TBC1D1: variants seen among roughly 807,000 people sequenced by gnomAD.
TBC1D1 encodes TBC1 (tre-2/USP6, BUB2, cdc16) domain family, member 1.
A neutral mutation model predicts 125.6 loss-of-function variants in TBC1D1; 89 were observed. The observed-to-expected ratio is 0.71, with a 90% confidence interval of 0.60 to 0.85. The LOEUF is 0.85. TBC1D1 is among the 40% of genes least tolerant of loss of function. The pLI, the probability that TBC1D1 is intolerant of heterozygous loss-of-function variation, is 0.00. For synonymous variants in TBC1D1, 565 were observed against 564.1 expected (o/e 1.00, Z -0.02); for missense variants, 1,377 against 1,469.2 (o/e 0.94, Z 1.03).
Position 38,115,897 on chromosome 4 carries a change from T to A in TBC1D1, c.2745T>A (p.Phe915Leu), listed in dbSNP as rs1400274752. Residue 915 changes from phenylalanine to leucine, a missense_variant, in exon 16 of 20, where the codon TTT becomes TTA. Transcript: ENST00000261439. ...AAGAGGCGTTTAAAATGCTCAAGTT[T>A]CTGATGTTTGACATGGGGCTGCGGA... 3 of 1,614,216 alleles carry A rather than the reference T, an allele frequency of 1.9e-6. No individual in the cohort carries two copies. Among genetic ancestry groups the A allele is most frequent in the Non-Finnish European group, 1.7e-6 (2 of 1,180,032 alleles).
Position 38,124,948 on chromosome 4 carries a change from C to T in TBC1D1, c.2963-14C>T. The T allele has an allele frequency of 1.9e-6, 3 of 1,612,136 alleles. No individual in the cohort carries two copies. The highest frequency in any genetic ancestry group is 2.5e-6 in the Non-Finnish European group (3 of 1,178,948). On this transcript the variant is annotated splice_polypyrimidine_tract_variant and intron_variant, in intron 17 of 19. Coordinates refer to ENST00000261439, the MANE Select transcript of TBC1D1 (RefSeq NM_015173.4). ...TGGTCTGGTTTAACTTTCTGCATTT[C>T]TGTGTTTTCTCAGATATGATTTTTC...
intron 17 of TBC1D1, among the ~76,000 whole-genome samples, chr4:38,121,606 G>A (rs1028134592): frequency 1.3e-5 from 2 of 152,322 alleles, no homozygotes; most frequent in African/African-American, 4.8e-5. Flanking sequence ...CTGCCTCACT[G>A]CGCTGGGCGG....
rs147591506 is a variant in TBC1D1 at position 37,895,337 on chromosome 4, A to G, written c.-94+3989A>G. Among the ~76,000 whole-genome samples, 489 of 152,224 alleles carry G rather than the reference A, an allele frequency of 3.2e-3. 3 individuals are homozygous for G. Among genetic ancestry groups the G allele is most frequent in the African/African-American group, 0.011 (464 of 41,542 alleles). The stretch of plus-strand genomic sequence containing the variant: ...ATAATCTCTGAGGGCCAGCTAGGAC[A>G]CTCGCCCATTTCCCACCCTTTTTCC... On this transcript the variant is annotated intron_variant, in intron 1 of 19. Coordinates refer to ENST00000261439, the MANE Select transcript of TBC1D1 (RefSeq NM_015173.4).
intron 2 of TBC1D1, among the ~76,000 whole-genome samples, chr4:37,954,832 A>C (rs1728594274): frequency 6.6e-6 from 1 of 151,468 alleles, no homozygotes; most frequent in African/African-American, 2.4e-5. Flanking sequence ...ATGAAAAAAA[A>C]AAAATCTATG....
intron 2 of TBC1D1, among the ~76,000 whole-genome samples, chr4:37,991,513 C>G (rs1736560671): frequency 6.6e-6 from 1 of 152,182 alleles, no homozygotes; most frequent in Admixed American, 6.5e-5. Flanking sequence ...GGCACCACAG[C>G]CCTTTACAGT....
chr4:37,901,537 T>TAAGATA (rs1463780508), intron 1 of TBC1D1, among the ~76,000 whole-genome samples: 1 of 152,206 alleles, frequency 6.6e-6, no homozygotes, highest in African/African-American at 2.4e-5. Flanking sequence ...AAACAGTGTT[T>TAAGATA]AAGACAATGT....
chr4:38,132,406 C>T (rs1204484582), intron 18 of TBC1D1, among the ~76,000 whole-genome samples: 12 of 152,204 alleles, frequency 7.9e-5, no homozygotes, highest in Admixed American at 2.0e-4. Flanking sequence ...AGTACAGACA[C>T]GGACGGCTTG....
rs200211276 is a variant in TBC1D1, at chr4:38,133,215, C to T, written c.3264C>T (p.Ser1088=). ...TGGATAAATTAGAGAAAACCAACAGCAGCTTACGCAAACAGAACCTTGACC... is the reference window on the plus strand; with the variant it reads ...TGGATAAATTAGAGAAAACCAACAGTAGCTTACGCAAACAGAACCTTGACC... The change falls in exon 19 of 20, where the codon AGC becomes AGT. Residue 1088 remains serine (S), a synonymous_variant. Coordinates refer to ENST00000261439, the MANE Select transcript of TBC1D1 (RefSeq NM_015173.4). 3 of 1,614,202 alleles carry T rather than the reference C, an allele frequency of 1.9e-6. No homozygotes were observed. The East Asian group carries it at 6.7e-5, about 36-fold the overall frequency.
chr4:37,971,669 C>CA lies in TBC1D1; in HGVS notation c.418-42839dup, dbSNP rs371779585. 6.8e-3 allele frequency among the ~76,000 whole-genome samples: 1,038 copies of CA among 152,256 alleles called. 22 individuals carry two copies. The highest frequency in any genetic ancestry group is 0.024 in the African/African-American group (988 of 41,532). ...TATTTGGATAGCCTATTGCTTTCCACAGAGCAACTATATATATATATTTTA... is the reference window on the plus strand; with the variant it reads ...TATTTGGATAGCCTATTGCTTTCCACAAGAGCAACTATATATATATATTTTA... On this transcript the variant is annotated intron_variant, in intron 2 of 19. Coordinates refer to ENST00000261439, the MANE Select transcript of TBC1D1 (RefSeq NM_015173.4).
intron 12 of TBC1D1, among the ~76,000 whole-genome samples, chr4:38,057,055 G>A (rs905008204): frequency 2.0e-5 from 3 of 152,046 alleles, no homozygotes; most frequent in African/African-American, 7.2e-5. Flanking sequence ...TTCCTAGGCC[G>A]TAATCACCCC....
chr4:38,035,790 C>G, intron 8 of TBC1D1, 92 bp downstream of exon 8: 1 of 894,336 alleles, frequency 1.1e-6, no homozygotes, highest in Non-Finnish European at 1.8e-6. Flanking sequence ...ACTCTGATAC[C>G]TTTTTTTCTC....
At chr4:38,007,774 G>A (rs1319351525) in intron 2 of TBC1D1, among the ~76,000 whole-genome samples, 1 of 152,216 alleles carries the variant, frequency 6.6e-6, no homozygotes, top group Admixed American at 6.5e-5. Context: ...CAGTTTGGCT[G>A]CCCTTCGTGC....
intron 2 of TBC1D1, among the ~76,000 whole-genome samples, chr4:37,979,604 C>T (rs1171313388): frequency 6.6e-6 from 1 of 152,216 alleles, no homozygotes; most frequent in South Asian, 2.1e-4. Context: ...CCTTCAGAAA[C>T]ACACAGCTGC....
intron 2 of TBC1D1, among the ~76,000 whole-genome samples, chr4:37,918,364 A>G (rs1317408226): frequency 6.6e-6 from 1 of 151,990 alleles, no homozygotes; most frequent in Non-Finnish European, 1.5e-5. Flanking sequence ...GCTAAATACG[A>G]TTTTAGATTT....
In TBC1D1 at chr4:38,049,837, G is replaced by A. The variant is rs78097286; in HGVS notation, c.1849G>A (p.Val617Ile). ...ACAACCTGCCCGGGGGTCCCCGGGGGTTTCGCAAAGGAAACTTATGAGGTA... is the reference window on the plus strand; with the variant it reads ...ACAACCTGCCCGGGGGTCCCCGGGGATTTCGCAAAGGAAACTTATGAGGTA... Residue 617 changes from valine to isoleucine, a missense_variant, in exon 11 of 20, where the codon GTT (valine) becomes ATT (isoleucine). Val to Ile is a conservative substitution (Grantham distance 29). Around this residue, in one of 3 missense-constraint regions of TBC1D1, gnomAD observed 822 missense variants for 824.6 expected, o/e 1.00. Transcript: ENST00000261439. The A allele has an allele frequency of 8.1e-5, 131 of 1,614,082 alleles. No individual in the cohort carries two copies. The African/African-American group carries it at 1.6e-3, about 20-fold the overall frequency.
chr4:37,971,394 C>A (rs147204003), intron 2 of TBC1D1, among the ~76,000 whole-genome samples: 1 of 152,248 alleles, frequency 6.6e-6, no homozygotes, highest in Admixed American at 6.5e-5. Context: ...ACATCTTACA[C>A]GGCAACAGAC....
At chr4:38,059,132 A>G (rs1204949148) in intron 12 of TBC1D1, among the ~76,000 whole-genome samples, 3 of 152,240 alleles carry the variant, frequency 2.0e-5, no homozygotes, top group African/African-American at 2.4e-5. Context: ...TGAGGTAGGT[A>G]GGAAGTTAAT....
intron 2 of TBC1D1, chr4:37,960,765 T>C (rs751105041): frequency 6.2e-7 from 1 of 1,614,186 alleles, no homozygotes; most frequent in East Asian, 2.2e-5. Flanking sequence ...AGATGACGCC[T>C]ATCCAGAAAT....
At chr4:38,058,897 G>A (rs1047060906) in intron 12 of TBC1D1, among the ~76,000 whole-genome samples, 2 of 152,174 alleles carry the variant, frequency 1.3e-5, no homozygotes, top group Non-Finnish European at 2.9e-5. Context: ...AGTAAGGAGT[G>A]TGTCTCTAAC....
Sources: allele counts gnomAD v4.1 joint callset (sites outside exome capture counted in the v4.1 genomes callset), GRCh38; gene constraint gnomAD v4.1.1; regional missense constraint gnomAD v4.1.1; transcripts MANE v1.5; gene names NCBI Gene and HGNC (gene_info 2026-07-23, HGNC 2026-07-21).